PHACTR3: variants seen among roughly 807,000 people sequenced by gnomAD.
PHACTR3 encodes the protein protein phosphatase 1, regulatory subunit 123.
PHACTR3 carries 16 observed loss-of-function variants against 66.8 expected under a neutral mutation model. The observed-to-expected ratio is 0.24, with a 90% confidence interval of 0.16 to 0.36. The LOEUF is 0.36. PHACTR3 is among the 10% of genes least tolerant of loss of function. The probability of loss-of-function intolerance (pLI) is 1.00; values close to 1 mark genes in which losing one functional copy is unlikely to be tolerated. For missense variants in PHACTR3, 647 were observed against 719.9 expected, an observed-to-expected ratio of 0.90 and a Z score of 1.16; for synonymous variants, 323 against 292.1, an observed-to-expected ratio of 1.11 and a Z score of -1.08.
intron 4 of PHACTR3, among the ~76,000 whole-genome samples, chr20:59,758,252 T>C (rs2039875494): frequency 6.6e-6 from 1 of 152,190 alleles, no homozygotes; most frequent in South Asian, 2.1e-4. Context: ...TGAGAAAACA[T>C]TATTAATGTT....
In PHACTR3 at chr20:59,847,126, C is replaced by A; in HGVS notation, c.1676C>A (p.Pro559Gln). Residue 559 changes from proline (P) to glutamine (Q), a missense_variant, in exon 13 of 13, where the codon CCA becomes CAA. Coordinates refer to ENST00000371015, the MANE Select transcript of PHACTR3 (RefSeq NM_080672.5). ...TTTATAATCTCTAGATTCCACAGGC[C>A]ATAGAGATTTTCTTCTGAGAAGAAT... ...SSKHLTRFHR[P>Q] is the part of the protein sequence containing the mutation. The A allele has an allele frequency of 6.6e-7, 1 of 1,518,122 alleles. No homozygotes were observed. The highest frequency in any genetic ancestry group is 1.2e-5 in the South Asian group (1 of 85,766). The allele number at this position is 1,518,122 out of a possible 1,614,324, so 94.0% of individuals were successfully genotyped here.
At chr20:59,678,017 A>G (rs1469010916) in intron 1 of PHACTR3, among the ~76,000 whole-genome samples, 1 of 151,842 alleles carries the variant, frequency 6.6e-6, no homozygotes, top group Non-Finnish European at 1.5e-5. Context: ...CACAACTTTC[A>G]CCCCACAAGC....
intron 1 of PHACTR3, among the ~76,000 whole-genome samples, chr20:59,734,411 C>T (rs1426505960): frequency 3.9e-5 from 6 of 151,992 alleles, no homozygotes; most frequent in Non-Finnish European, 8.8e-5. Context: ...ATAACCACAC[C>T]GAGCTAATTT....
chr20:59,839,100 C>G (rs1359135976), intron 9 of PHACTR3, among the ~76,000 whole-genome samples: 1 of 151,920 alleles, frequency 6.6e-6, no homozygotes, highest in Non-Finnish European at 1.5e-5. Context: ...CACTTGGGAG[C>G]TGCCCATGGC....
rs575888325 is a variant in PHACTR3, at chr20:59,624,963, G to T, written c.118+19831G>T. 2.6e-5 allele frequency among the ~76,000 whole-genome samples: 4 copies of T among 151,904 alleles called. No homozygotes were observed. The South Asian group carries it at 6.2e-4, about 24-fold the overall frequency. Reference sequence around the variant, plus strand: ...TTCTAATGCCCTTTTTCCATCCCAGGATGCCATCCAGATCCCGCATGACAT... The same window carrying T: ...TTCTAATGCCCTTTTTCCATCCCAGTATGCCATCCAGATCCCGCATGACAT... On this transcript the variant is annotated intron_variant, in intron 1 of 12. Coordinates refer to ENST00000371015, the MANE Select transcript of PHACTR3 (RefSeq NM_080672.5).
intron 1 of PHACTR3, among the ~76,000 whole-genome samples, chr20:59,687,621 G>C (rs1234576055): frequency 6.6e-6 from 1 of 152,100 alleles, no homozygotes; most frequent in African/African-American, 2.4e-5. Context: ...CACACCCTCT[G>C]TAAAATAGGA....
intron 1 of PHACTR3, among the ~76,000 whole-genome samples, chr20:59,640,727 T>G (rs6128654): frequency 0.068 from 10,409 of 152,178 alleles, 657 homozygotes; most frequent in East Asian, 0.37. Context: ...GGGTTGTAAA[T>G]TTTACCTTGC....
At chr20:59,608,002 ATATTT>A (rs1314784587) in intron 1 of PHACTR3, among the ~76,000 whole-genome samples, 1 of 152,134 alleles carries the variant, frequency 6.6e-6, no homozygotes, top group Non-Finnish European at 1.5e-5. Context: ...GGGGACCCAC[ATATTT>A]TATTTTAATG....
At chr20:59,602,573 T>G (rs1311339780), upstream of PHACTR3, among the ~76,000 whole-genome samples, 2 of 152,106 alleles carry the variant, frequency 1.3e-5, no homozygotes, top group Admixed American at 6.5e-5. Flanking sequence ...TAGGGATGGT[T>G]GGCAAATGAC....
At chr20:59,806,513 C>A (rs1443665589) in intron 8 of PHACTR3, among the ~76,000 whole-genome samples, 1 of 152,256 alleles carries the variant, frequency 6.6e-6, no homozygotes, top group Non-Finnish European at 1.5e-5. Context: ...AGCAGCCAGG[C>A]AAGGACTGGG....
At chr20:59,624,486 T>C (rs1174838433) in intron 1 of PHACTR3, among the ~76,000 whole-genome samples, 1 of 152,190 alleles carries the variant, frequency 6.6e-6, no homozygotes, top group Non-Finnish European at 1.5e-5. Context: ...CAGGTGCCGC[T>C]GATGCTGCTG....
intron 4 of PHACTR3, among the ~76,000 whole-genome samples, chr20:59,762,899 A>C (rs2040041998): frequency 6.6e-6 from 1 of 152,192 alleles, no homozygotes; most frequent in African/African-American, 2.4e-5. Context: ...TGAATTAGAT[A>C]CAAGGGGTGG....
chr20:59,642,844 T>C (rs999729110), intron 1 of PHACTR3, among the ~76,000 whole-genome samples: 4 of 152,216 alleles, frequency 2.6e-5, no homozygotes, highest in African/African-American at 9.6e-5. Flanking sequence ...GGCGTTTGCC[T>C]ACAGAAAGAG....
At chr20:59,767,492 A>C in intron 5 of PHACTR3, 97 bp downstream of exon 5, 1 of 1,292,764 alleles carries the variant, frequency 7.7e-7, no homozygotes, top group Non-Finnish European at 1.1e-6. Context: ...CTATCTATTT[A>C]TTCACCCATT....
At chr20:59,669,313 G>T (rs1049916057) in intron 1 of PHACTR3, among the ~76,000 whole-genome samples, 5 of 152,176 alleles carry the variant, frequency 3.3e-5, no homozygotes, top group African/African-American at 1.2e-4. Context: ...TGAAGATGGG[G>T]TCAATTACTG....
At chr20:59,717,683 C>A (rs981006770) in intron 1 of PHACTR3, among the ~76,000 whole-genome samples, 6 of 152,168 alleles carry the variant, frequency 3.9e-5, no homozygotes, top group Non-Finnish European at 7.3e-5. Context: ...ATATATAGAT[C>A]TGTTCCTTGT....
chr20:59,613,903 C>T (rs903586554), intron 1 of PHACTR3, among the ~76,000 whole-genome samples: 1 of 152,192 alleles, frequency 6.6e-6, no homozygotes, highest in Non-Finnish European at 1.5e-5. Context: ...CACTGTTCCT[C>T]ACAGAGCCAA....
chr20:59,798,523 T>C (rs2041319377), intron 7 of PHACTR3, among the ~76,000 whole-genome samples: 1 of 152,204 alleles, frequency 6.6e-6, no homozygotes, highest in South Asian at 2.1e-4. Context: ...AATTAGAAAT[T>C]CTATTTTTAA....
chr20:59,693,282 G>T (rs1345119184), intron 1 of PHACTR3, among the ~76,000 whole-genome samples: 1 of 152,150 alleles, frequency 6.6e-6, no homozygotes, highest in South Asian at 2.1e-4. Context: ...CCCACAATCC[G>T]TCCCCATCTC....
Sources: allele counts gnomAD v4.1 joint callset (sites outside exome capture counted in the v4.1 genomes callset), GRCh38; gene constraint gnomAD v4.1.1; transcripts MANE v1.5; gene names NCBI Gene and HGNC (gene_info 2026-07-23, HGNC 2026-07-21).